The following FMNL2 variants were observed in gnomAD, a reference collection of about 807,000 sequenced individuals.
The protein encoded by FMNL2 is formin-like protein 2.
A neutral mutation model predicts 130.2 loss-of-function variants in FMNL2; 51 were observed. The ratio of observed to expected loss-of-function variants is 0.39; its 90% CI spans 0.31 to 0.49. FMNL2 has a LOEUF of 0.49. Ranked by LOEUF, FMNL2 falls within the 20% of genes least tolerant of loss-of-function variation. The pLI is 0.85. For missense variants in FMNL2, 977 were observed against 1,316.2 expected (o/e 0.74, Z 3.99); for synonymous variants, 465 against 467.1 (o/e 1.00, Z 0.06).
chr2:152,645,561 C>T, intron 25 of FMNL2: 1 of 1,219,162 alleles, frequency 8.2e-7, no homozygotes, highest in Non-Finnish European at 1.1e-6. Flanking sequence ...TTCCTCCTCT[C>T]TCTGTATGCA....
chr2:152,563,363 G>T (rs186541102), intron 6 of FMNL2, among the ~76,000 whole-genome samples: 7 of 152,204 alleles, frequency 4.6e-5, no homozygotes, highest in African/African-American at 1.7e-4. Context: ...CTGCTTTATG[G>T]TTTCTAGTAG....
At chr2:152,590,001 A>ATGTATGTATATG (rs66992347) in intron 9 of FMNL2, among the ~76,000 whole-genome samples, 1,414 of 74,768 alleles carry the variant, frequency 0.019, 22 homozygotes, top group East Asian at 0.043. Context: ...GTATATGTAT[A>ATGTATGTATATG]TATATATACA....
intron 9 of FMNL2, among the ~76,000 whole-genome samples, chr2:152,593,988 G>A (rs1041956725): frequency 1.3e-5 from 2 of 151,402 alleles, no homozygotes; most frequent in Non-Finnish European, 2.9e-5. Context: ...CCCCCACAGG[G>A]ACCCCAGTCC....
At chr2:152,642,554 C>T (rs1304268152) in intron 25 of FMNL2, among the ~76,000 whole-genome samples, 1 of 152,184 alleles carries the variant, frequency 6.6e-6, no homozygotes, top group African/African-American at 2.4e-5. Context: ...CAGATAAAAC[C>T]TTCATTGTAG....
chr2:152,337,820 A>T (rs1479845193), intron 1 of FMNL2, among the ~76,000 whole-genome samples: 1 of 152,138 alleles, frequency 6.6e-6, no homozygotes, highest in Non-Finnish European at 1.5e-5. Flanking sequence ...TACCAGGCTG[A>T]CCTTTTATTG....
At chr2:152,448,117 G>T (rs933322443) in intron 1 of FMNL2, among the ~76,000 whole-genome samples, 1 of 151,478 alleles carries the variant, frequency 6.6e-6, no homozygotes, top group Non-Finnish European at 1.5e-5. Context: ...CATTGAATTC[G>T]TCAAAACATA....
intron 1 of FMNL2, among the ~76,000 whole-genome samples, chr2:152,478,246 ATATATT>A (rs1362719948): frequency 1.4e-3 from 98 of 67,650 alleles, no homozygotes; most frequent in African/African-American, 3.8e-3. Flanking sequence ...ATATATATAT[ATATATT>A]TTTTTTTTTT....
intron 1 of FMNL2, among the ~76,000 whole-genome samples, chr2:152,433,763 G>A (rs1157915346): frequency 1.3e-5 from 2 of 152,142 alleles, no homozygotes; most frequent in Non-Finnish European, 2.9e-5. Context: ...GATAAAGCAG[G>A]CCAACATTTC....
At chr2:152,542,321 G>C (rs1694355066) in intron 2 of FMNL2, among the ~76,000 whole-genome samples, 1 of 152,310 alleles carries the variant, frequency 6.6e-6, no homozygotes, top group East Asian at 1.9e-4. Flanking sequence ...AAAAGAGAAA[G>C]ATTTGCCAAC....
At chr2:152,501,092 GA>G (rs773427784) in intron 1 of FMNL2, among the ~76,000 whole-genome samples, 1 of 152,156 alleles carries the variant, frequency 6.6e-6, no homozygotes, top group Non-Finnish European at 1.5e-5. Flanking sequence ...CATTTTTCAT[GA>G]CGGTTTTAAA....
At chr2:152,614,758 A>G (rs1698859997) in intron 11 of FMNL2, 93 bp from the exon 12 acceptor site, 2 of 1,399,582 alleles carry the variant, frequency 1.4e-6, no homozygotes, top group Admixed American at 5.0e-5. Flanking sequence ...AAAACAAAAC[A>G]AAACAAAAAA....
At chr2:152,639,271 A>AT (rs749154921) in intron 23 of FMNL2, among the ~76,000 whole-genome samples, 11 of 152,376 alleles carry the variant, frequency 7.2e-5, no homozygotes, top group Admixed American at 1.3e-4. Context: ...TTTATTACTG[A>AT]TAACAGCTGG....
At chr2:152,468,456 G>GT (rs374232838) in intron 1 of FMNL2, among the ~76,000 whole-genome samples, 28 of 150,036 alleles carry the variant, frequency 1.9e-4, no homozygotes, top group Middle Eastern at 3.5e-3. Flanking sequence ...ATGTGAACCT[G>GT]TTTTTTTTTC....
rs2106007242 is a variant in FMNL2, at chr2:152,649,781, G to A, written c.*1876G>A. ...AAAAGCAATTCATGTTACTTTTCTG[G>A]TCTTTTCATGGCATATGAGCAAATA... On this transcript the variant is annotated 3_prime_UTR_variant, in exon 26 of 26. Coordinates refer to ENST00000288670, the MANE Select transcript of FMNL2 (RefSeq NM_052905.4). 1 of 152,618 alleles carries A rather than the reference G, an allele frequency of 6.6e-6. No homozygotes were observed. The highest frequency in any genetic ancestry group is 1.9e-4 in the East Asian group (1 of 5,188). 9.5% of individuals were successfully genotyped at this position (152,618 alleles called of 1,614,324 possible).
intron 15 of FMNL2, among the ~76,000 whole-genome samples, chr2:152,621,804 C>A (rs1681334060): frequency 6.6e-6 from 1 of 152,108 alleles, no homozygotes; most frequent in Non-Finnish European, 1.5e-5. Context: ...ACTCTGGAAC[C>A]AAGAGGCCAG....
intron 1 of FMNL2, among the ~76,000 whole-genome samples, chr2:152,468,044 T>C (rs1167892019): frequency 6.6e-6 from 1 of 152,252 alleles, no homozygotes; most frequent in Non-Finnish European, 1.5e-5. Context: ...TCTAAATCAC[T>C]GCTCCTAAGT....
chr2:152,470,503 C>T (rs1178557474), intron 1 of FMNL2, among the ~76,000 whole-genome samples: 1 of 152,138 alleles, frequency 6.6e-6, no homozygotes, highest in African/African-American at 2.4e-5. Flanking sequence ...ATGAAAAGCT[C>T]ATCTATAGAA....
chr2:152,525,039 T>C (rs919284032), intron 2 of FMNL2, among the ~76,000 whole-genome samples: 9 of 152,124 alleles, frequency 5.9e-5, no homozygotes, highest in African/African-American at 1.9e-4. Flanking sequence ...CCTTATTTTA[T>C]AGATGATGAA....
chr2:152,611,430 A>G lies in FMNL2; in HGVS notation c.952-65A>G, dbSNP rs868051219. On this transcript the variant is annotated intron_variant, in intron 10 of 25. Transcript: ENST00000288670. ...GCCTTTTTTATGAAATTGAAAGCAC[A>G]TGTCTGCAGTTAAACTGAGAAAAAA... The G allele has an allele frequency of 5.1e-6, 4 of 785,052 alleles. No homozygotes were observed. The Admixed American group carries it at 7.6e-5, about 15-fold the overall frequency. The allele number at this position is 785,052 out of a possible 1,614,324, so 48.6% of individuals were successfully genotyped here.
Sources: allele counts gnomAD v4.1 joint callset (sites outside exome capture counted in the v4.1 genomes callset), GRCh38; gene constraint gnomAD v4.1.1; transcripts MANE v1.5; gene names NCBI Gene and HGNC (gene_info 2026-07-23, HGNC 2026-07-21).